Variants in BLTP2 observed in about 807,000 individuals in gnomAD.
BLTP2 encodes the protein U937-associated antigen.
At chr17:28,635,477 G>A in the BLTP2 span, 1 of 1,614,224 alleles carries the variant, frequency 6.2e-7, no homozygotes, top group South Asian at 1.1e-5. Flanking sequence ...TCTAGTGCAA[G>A]GGATGGTACA....
chr17:28,640,043 C>T, the BLTP2 span: 199 of 1,612,058 alleles, frequency 1.2e-4, 1 homozygote, highest in East Asian at 4.3e-3. Context: ...GAGACAGATT[C>T]CAGCTCAGGA....
the BLTP2 span, among the ~76,000 whole-genome samples, chr17:28,637,444 C>G: frequency 6.6e-6 from 1 of 152,196 alleles, no homozygotes; most frequent in Non-Finnish European, 1.5e-5. Context: ...TTATATGGAT[C>G]TCTCTTGACT....
the BLTP2 span, among the ~76,000 whole-genome samples, chr17:28,636,324 T>C: frequency 6.6e-6 from 1 of 152,182 alleles, no homozygotes; most frequent in Non-Finnish European, 1.5e-5. Flanking sequence ...TTTGTTACCC[T>C]GAGGATAAAG....
the BLTP2 span, chr17:28,631,447 T>C: frequency 2.5e-6 from 4 of 1,587,918 alleles, 1 homozygote; most frequent in Middle Eastern, 3.4e-4. Flanking sequence ...CTAATATAAA[T>C]AAGGTAATAA....
chr17:28,615,088 C>T, the BLTP2 span: 1 of 1,613,762 alleles, frequency 6.2e-7, no homozygotes, highest in Non-Finnish European at 8.5e-7. Context: ...CAAAGATGGA[C>T]TTCTTGCCAG....
chr17:28,639,832 T>C, the BLTP2 span: 1 of 1,579,058 alleles, frequency 6.3e-7, no homozygotes, highest in Non-Finnish European at 8.7e-7. Context: ...GGAGACCATA[T>C]GGGGCATGAG....
the BLTP2 span, chr17:28,644,296 T>C: frequency 3.5e-6 from 4 of 1,156,354 alleles, 1 homozygote; most frequent in Admixed American, 8.8e-5. Context: ...AAACTGGATC[T>C]GAGCAACTCT....
the BLTP2 span, among the ~76,000 whole-genome samples, chr17:28,637,385 G>A: frequency 3.3e-5 from 5 of 152,144 alleles, no homozygotes; most frequent in Non-Finnish European, 5.9e-5. Flanking sequence ...AAATTGCACA[G>A]AGACATACCA....
the BLTP2 span, chr17:28,639,593 G>A: frequency 1.9e-6 from 3 of 1,614,042 alleles, no homozygotes; most frequent in African/African-American, 2.7e-5. Flanking sequence ...TAGCCTTGAG[G>A]GAGTTGAGGC....
the BLTP2 span, among the ~76,000 whole-genome samples, chr17:28,627,915 C>T: frequency 2.6e-5 from 4 of 152,172 alleles, no homozygotes; most frequent in Non-Finnish European, 5.9e-5. Context: ...CCCACCTCGG[C>T]CTCCAAAAGT....
chr17:28,619,998 C>T, the BLTP2 span: 1 of 1,613,356 alleles, frequency 6.2e-7, no homozygotes, highest in Non-Finnish European at 8.5e-7. Context: ...TGACCCGTTG[C>T]TTCTTCTCAC....
the BLTP2 span, among the ~76,000 whole-genome samples, chr17:28,628,982 G>A: frequency 6.6e-6 from 1 of 151,602 alleles, no homozygotes; most frequent in African/African-American, 2.4e-5. Context: ...AGACCCTGGA[G>A]AAGAAAAACT....
the BLTP2 span, chr17:28,631,455 TAAAG>T: frequency 1.2e-6 from 2 of 1,602,842 alleles, no homozygotes; most frequent in Middle Eastern, 1.7e-4. Flanking sequence ...AATAAGGTAA[TAAAG>T]AAAGTGTGTC....
At chr17:28,644,228 A>C in the BLTP2 span, 8 of 1,601,764 alleles carry the variant, frequency 5.0e-6, no homozygotes, top group Admixed American at 1.7e-5. Context: ...CCTTTTTCCA[A>C]TGATGGTTTC....
the BLTP2 span, chr17:28,621,552 T>C: frequency 3.1e-6 from 4 of 1,302,672 alleles, no homozygotes; most frequent in South Asian, 1.2e-5. Flanking sequence ...TGGCTTGTCC[T>C]GGACAATTGG....
At chr17:28,630,849 G>A in the BLTP2 span, among the ~76,000 whole-genome samples, 1 of 152,220 alleles carries the variant, frequency 6.6e-6, no homozygotes, top group East Asian at 1.9e-4. Flanking sequence ...TTGGGGGAAA[G>A]GCAGTACCAA....
the BLTP2 span, among the ~76,000 whole-genome samples, chr17:28,629,193 GC>G: frequency 6.6e-6 from 1 of 151,872 alleles, no homozygotes; most frequent in Non-Finnish European, 1.5e-5. Flanking sequence ...ACGGGCACAA[GC>G]CACTGTGCTG....
chr17:28,638,949 T>C, the BLTP2 span: 1 of 440,240 alleles, frequency 2.3e-6, no homozygotes, highest in Non-Finnish European at 4.1e-6. Flanking sequence ...GCATCACTTC[T>C]AAACCATAAC....
the BLTP2 span, chr17:28,615,295 G>A: frequency 6.8e-7 from 1 of 1,472,720 alleles, no homozygotes; most frequent in East Asian, 2.3e-5. Flanking sequence ...TAGTGGGCAG[G>A]CAGAATAAAT....
Sources: gnomAD v4.1 joint callset for allele counts (sites outside exome capture counted in the v4.1 genomes callset) on GRCh38, gnomAD v4.1.1 for gene constraint, MANE v1.5 for transcripts, NCBI Gene and HGNC (gene_info 2026-07-23, HGNC 2026-07-21) for gene names.